The following LRBA variants were observed in gnomAD, a reference collection of about 807,000 sequenced individuals.
LRBA encodes the protein LPS responsive beige-like anchor protein.
A neutral mutation model predicts 330.0 loss-of-function variants in LRBA; 176 were observed. The ratio of observed to expected loss-of-function variants is 0.53; its 90% CI spans 0.47 to 0.60. The LOEUF (loss-of-function observed/expected upper bound fraction) is 0.60. Among genes scored for constraint, LRBA ranks in the 20% least tolerant of loss-of-function variants. The pLI is 0.00. For missense variants in LRBA, 3,259 were observed against 3,444.8 expected, an observed-to-expected ratio of 0.95 and a Z score of 1.35; for synonymous variants, 1,230 against 1,193.0, an observed-to-expected ratio of 1.03 and a Z score of -0.64.
At chr4:151,013,229 C>A (rs1474859901) in intron 2 of LRBA, 1 of 152,206 alleles carries the variant, frequency 6.6e-6, no homozygotes, top group Non-Finnish European at 1.5e-5. Flanking sequence ...CAATTAACTG[C>A]ATGTTTATAT....
chr4:150,810,370 A>G (rs1229470094), intron 31 of LRBA, among the ~76,000 whole-genome samples: 1 of 152,162 alleles, frequency 6.6e-6, no homozygotes, highest in Non-Finnish European at 1.5e-5. Context: ...AACTGTAGTT[A>G]ATCTTTCTTT....
At chr4:150,278,346 T>C (rs1747079035) in intron 55 of LRBA, among the ~76,000 whole-genome samples, 1 of 152,280 alleles carries the variant, frequency 6.6e-6, no homozygotes, top group East Asian at 1.9e-4. Context: ...ACTGCAGACA[T>C]GCTAATAAGC....
chr4:150,609,371 C>T (rs1339644242), intron 37 of LRBA, among the ~76,000 whole-genome samples: 4 of 152,098 alleles, frequency 2.6e-5, no homozygotes, highest in Non-Finnish European at 4.4e-5. Flanking sequence ...ACATGTAGAT[C>T]CAGTTGCTGG....
intron 5 of LRBA, among the ~76,000 whole-genome samples, chr4:150,917,609 A>T (rs1436419971): frequency 6.6e-6 from 1 of 152,142 alleles, no homozygotes; most frequent in Non-Finnish European, 1.5e-5. Context: ...TAATAAAAGG[A>T]TCTTGTATAG....
chr4:150,650,356 T>C lies in LRBA; in HGVS notation c.5921+33195A>G, dbSNP rs534529108. ...TACTTTTCCCAATTTCTATAAAATG[T>C]AATATGTTATTTAATAACCAAGAAA... On this transcript the variant is annotated intron_variant, in intron 37 of 56. Transcript: ENST00000651943. 3.3e-5 allele frequency among the ~76,000 whole-genome samples: 5 copies of C among 152,320 alleles called. No individual in the cohort carries two copies. In the South Asian group the frequency reaches 6.2e-4, roughly 19 times the overall value.
At chr4:150,419,632 T>C (rs1031993078) in intron 46 of LRBA, among the ~76,000 whole-genome samples, 3 of 126,204 alleles carry the variant, frequency 2.4e-5, no homozygotes, top group Admixed American at 9.2e-5. Context: ...ACTGATAATA[T>C]CTTTTTTTTT....
intron 40 of LRBA, among the ~76,000 whole-genome samples, chr4:150,519,256 A>G (rs1762671681): frequency 6.6e-6 from 1 of 152,170 alleles, no homozygotes; most frequent in South Asian, 2.1e-4. Flanking sequence ...AAATACAAAG[A>G]TAACAGGTGT....
intron 46 of LRBA, among the ~76,000 whole-genome samples, chr4:150,435,130 A>C (rs1487469547): frequency 1.3e-5 from 2 of 152,060 alleles, no homozygotes; most frequent in Non-Finnish European, 2.9e-5. Context: ...AGATCACTTG[A>C]GGTCAGGAGT....
chr4:150,675,802 A>T (rs1047474368), intron 37 of LRBA, among the ~76,000 whole-genome samples: 5 of 152,284 alleles, frequency 3.3e-5, no homozygotes, highest in Non-Finnish European at 7.4e-5. Flanking sequence ...CTCAGTAAGT[A>T]TCACCTATTA....
intron 40 of LRBA, among the ~76,000 whole-genome samples, chr4:150,552,838 G>A (rs1581653515): frequency 6.6e-6 from 1 of 152,086 alleles, no homozygotes; most frequent in African/African-American, 2.4e-5. Flanking sequence ...GGGAGGCTGA[G>A]GCGGGCAGAT....
At chr4:150,725,638 T>C (rs757812155) in intron 36 of LRBA, among the ~76,000 whole-genome samples, 27 of 152,094 alleles carry the variant, frequency 1.8e-4, no homozygotes, top group Non-Finnish European at 3.4e-4. Context: ...GAAGAAACCA[T>C]CTGAAGGTAC....
intron 44 of LRBA, among the ~76,000 whole-genome samples, chr4:150,453,721 A>G (rs1382728669): frequency 6.6e-6 from 1 of 152,134 alleles, no homozygotes; most frequent in African/African-American, 2.4e-5. Flanking sequence ...ATCTCTTGCA[A>G]CAAACCCACA....
intron 2 of LRBA, among the ~76,000 whole-genome samples, chr4:150,964,385 G>A (rs1183273304): frequency 6.7e-6 from 1 of 149,814 alleles, no homozygotes; most frequent in Non-Finnish European, 1.5e-5. Flanking sequence ...AATAGAAAAG[G>A]GGGAAATGTG....
At chr4:150,544,447 C>T (rs994567231) in intron 40 of LRBA, among the ~76,000 whole-genome samples, 2 of 152,146 alleles carry the variant, frequency 1.3e-5, no homozygotes, top group East Asian at 1.9e-4. Flanking sequence ...CTGACATTTA[C>T]CCTAAGCCTG....
At chr4:150,806,171 A>T in intron 33 of LRBA, 100 bp downstream of exon 33, 2 of 875,556 alleles carry the variant, frequency 2.3e-6, no homozygotes, top group Non-Finnish European at 3.3e-6. Context: ...AAAGGCTGAC[A>T]ACACTTAAAC....
intron 46 of LRBA, among the ~76,000 whole-genome samples, chr4:150,434,489 T>C (rs762633250): frequency 1.3e-4 from 20 of 152,194 alleles, no homozygotes; most frequent in Non-Finnish European, 2.4e-4. Context: ...AACGGGTACA[T>C]AGGATATCTA....
At chr4:150,389,036 A>AT (rs1159659808) in intron 47 of LRBA, among the ~76,000 whole-genome samples, 6 of 152,196 alleles carry the variant, frequency 3.9e-5, no homozygotes, top group Non-Finnish European at 8.8e-5. Context: ...TATAAAAACT[A>AT]TTAGCATTCA....
Position 150,592,144 on chromosome 4 carries a change from G to GTTTTTTTTTTTTTTTTTT in LRBA, c.6047-1303_6047-1286dup, listed in dbSNP as rs10685627. ...TTGATATGGAAATCGGATGGCTAGG[G>GTTTTTTTTTTTTTTTTTT]TTTTTTTTTTTTTTTTTTTTTTTTT... On this transcript the variant is annotated intron_variant, in intron 38 of 56. Coordinates refer to ENST00000651943, the MANE Select transcript of LRBA (RefSeq NM_001364905.1). 2.3e-4 allele frequency among the ~76,000 whole-genome samples: 15 copies of GTTTTTTTTTTTTTTTTTT among 65,190 alleles called. No individual in the cohort carries two copies. The East Asian group carries it at 2.6e-3, about 11-fold the overall frequency. The allele number at this position is 65,190 out of a possible 152,430, so 42.8% of individuals were successfully genotyped here.
At chr4:150,902,700 C>A (rs1730874646) in intron 13 of LRBA, among the ~76,000 whole-genome samples, 1 of 152,194 alleles carries the variant, frequency 6.6e-6, no homozygotes. Context: ...TTTCAATAAA[C>A]TTCTGCTTTT....
Sources: gnomAD v4.1 joint callset for allele counts (sites outside exome capture counted in the v4.1 genomes callset) on GRCh38, gnomAD v4.1.1 for gene constraint, MANE v1.5 for transcripts, NCBI Gene and HGNC (gene_info 2026-07-23, HGNC 2026-07-21) for gene names.